Variants in SLMAP observed in about 807,000 individuals in gnomAD.
SLMAP encodes sarcolemmal membrane-associated protein.
In SLMAP, 44 loss-of-function variants were observed where a neutral mutation model predicts 128.8. The observed-to-expected ratio is 0.34, with a 90% confidence interval of 0.27 to 0.44. The LOEUF (loss-of-function observed/expected upper bound fraction) is 0.44. Among genes scored for constraint, SLMAP ranks in the 20% least tolerant of loss-of-function variants. SLMAP has a pLI of 1.00. For missense variants in SLMAP, 787 were observed against 985.3 expected (o/e 0.80, Z 2.69); for synonymous variants, 327 against 348.8 (o/e 0.94, Z 0.70).
intron 17 of SLMAP, among the ~76,000 whole-genome samples, chr3:57,906,300 C>CTTTTTCTTTTTTTTTTTTTTTTTTTTTT (rs2096541194): frequency 1.4e-5 from 1 of 71,288 alleles, no homozygotes; most frequent in Admixed American, 1.9e-4. Flanking sequence ...AAATTTTTTT[C>CTTTTTCTTTTTTTTTTTTTTTTTTTTTT]TTTTTTTTTC....
intron 12 of SLMAP, 89 bp from the exon 13 acceptor site, chr3:57,865,153 T>G (rs1278714516): frequency 1.4e-6 from 1 of 695,620 alleles, no homozygotes; most frequent in African/African-American, 1.8e-5. Flanking sequence ...ATCTTAATCT[T>G]AGGAATGCAG....
At chr3:57,832,958 A>T (rs1056895152) in intron 3 of SLMAP, among the ~76,000 whole-genome samples, 3 of 152,210 alleles carry the variant, frequency 2.0e-5, no homozygotes, top group African/African-American at 4.8e-5. Flanking sequence ...GCTGCATTAG[A>T]CACTCCTATA....
intron 2 of SLMAP, among the ~76,000 whole-genome samples, chr3:57,816,384 T>C (rs558510429): frequency 6.6e-6 from 1 of 152,282 alleles, no homozygotes; most frequent in African/African-American, 2.4e-5. Flanking sequence ...CCTCAAGTGA[T>C]CCACCTACCT....
In SLMAP at chr3:57,907,924, A is replaced by G; in HGVS notation, c.1542A>G (p.Gln514=). The G allele has an allele frequency of 1.2e-6, 2 of 1,613,990 alleles. No individual in the cohort carries two copies. Among genetic ancestry groups the G allele is most frequent in the Non-Finnish European group, 1.7e-6 (2 of 1,179,876 alleles). Residue 514 remains glutamine, a synonymous_variant, in exon 18 of 25, where the codon CAA becomes CAG. Coordinates refer to ENST00000671191, the MANE Select transcript of SLMAP (RefSeq NM_001377540.1). ...CACAGTCAGAAATTGAGGCAAAGCA[A>G]GAAATACAGCATCTTCGAAAGGAAT... The part of the protein sequence containing the change: ...QGAQSEIEAK[Q]EIQHLRKELI...
intron 2 of SLMAP, among the ~76,000 whole-genome samples, chr3:57,823,439 A>G (rs961834284): frequency 3.3e-5 from 5 of 151,702 alleles, no homozygotes; most frequent in Non-Finnish European, 7.4e-5. Context: ...CTCATTGTTC[A>G]ATTCCCACCT....
chr3:57,923,174 C>A, intron 23 of SLMAP, 151 bp downstream of exon 23: 2 of 804,182 alleles, frequency 2.5e-6, no homozygotes, highest in Non-Finnish European at 3.9e-6. Flanking sequence ...AATCATTGTG[C>A]TGTCAGATTT....
intron 3 of SLMAP, among the ~76,000 whole-genome samples, chr3:57,836,212 G>A (rs1297015707): frequency 6.6e-6 from 1 of 152,030 alleles, no homozygotes; most frequent in East Asian, 1.9e-4. Context: ...GTCCAGGAGT[G>A]TGGGTGGGAG....
intron 10 of SLMAP, among the ~76,000 whole-genome samples, chr3:57,862,603 A>G (rs543278607): frequency 7.2e-6 from 1 of 138,198 alleles, no homozygotes; most frequent in Admixed American, 8.4e-5. Context: ...GCACCACTGC[A>G]CTCCAGCCTG....
intron 2 of SLMAP, among the ~76,000 whole-genome samples, chr3:57,781,530 GT>G (rs1209513307): frequency 6.6e-6 from 1 of 152,072 alleles, no homozygotes; most frequent in Non-Finnish European, 1.5e-5. Context: ...ATCTATGTTT[GT>G]TATTTGTTTA....
At chr3:57,758,888 G>GGACT (rs2078084031) in intron 2 of SLMAP, among the ~76,000 whole-genome samples, 1 of 152,134 alleles carries the variant, frequency 6.6e-6, no homozygotes, top group Non-Finnish European at 1.5e-5. Context: ...AAGACTAATA[G>GGACT]GACTGTCTCA....
At chr3:57,763,443 G>A (rs2079070639) in intron 2 of SLMAP, among the ~76,000 whole-genome samples, 1 of 151,794 alleles carries the variant, frequency 6.6e-6, no homozygotes. Flanking sequence ...CCCAGCTACT[G>A]TTTTTTATTT....
chr3:57,871,484 C>T (rs1205734441), intron 13 of SLMAP, 152 bp from the exon 14 acceptor site: 6 of 588,838 alleles, frequency 1.0e-5, no homozygotes, highest in Admixed American at 3.5e-5. Context: ...CATTTAACTC[C>T]AAAATATGTC....
At chr3:57,848,277 A>C (rs2094348317) in intron 5 of SLMAP, among the ~76,000 whole-genome samples, 13 of 118,912 alleles carry the variant, frequency 1.1e-4, no homozygotes, top group South Asian at 2.7e-4. Context: ...CTCTTACTCC[A>C]TCTTCTCCTC....
chr3:57,819,484 C>T (rs920161129), intron 2 of SLMAP, among the ~76,000 whole-genome samples: 2 of 151,858 alleles, frequency 1.3e-5, no homozygotes, highest in Non-Finnish European at 2.9e-5. Context: ...GCAGGTTTTT[C>T]CCCCCCACAA....
rs1166614183 is a variant in SLMAP at position 57,860,746 on chromosome 3, G to C, written c.735G>C (p.Glu245Asp). 1 of 1,595,512 alleles carries C rather than the reference G, an allele frequency of 6.3e-7. No homozygotes were observed. Among genetic ancestry groups the C allele is most frequent in the Admixed American group, 1.8e-5 (1 of 54,690 alleles). ...GAAAGGAACTTATAGCATTACAAGA[G>C]GATAAACATAACTATGAGACAACAG... ...SLRKELIALQ[E>D]DKHNYETTAK... The change falls in exon 9 of 25, where the codon GAG becomes GAC. Residue 245 changes from glutamate to aspartate, a missense_variant. Glu to Asp is a conservative substitution (Grantham distance 45). This residue lies in a region of SLMAP where 715 missense variants were observed against 843.6 expected (regional missense o/e 0.85). Coordinates refer to ENST00000671191, the MANE Select transcript of SLMAP (RefSeq NM_001377540.1).
At chr3:57,815,987 T>G (rs7651518) in intron 2 of SLMAP, among the ~76,000 whole-genome samples, 55,186 of 152,048 alleles carry the variant, frequency 0.36, 11,023 homozygotes, top group South Asian at 0.58. Flanking sequence ...TCCTTTAACC[T>G]TTACAACAAA....
chr3:57,862,186 C>T (rs974276460), intron 10 of SLMAP, 100 bp downstream of exon 10: 10 of 932,230 alleles, frequency 1.1e-5, no homozygotes, highest in African/African-American at 1.7e-5. Context: ...CGTGGGGTGG[C>T]GGGCGCCTGT....
intron 2 of SLMAP, among the ~76,000 whole-genome samples, chr3:57,767,878 C>T (rs1168914843): frequency 6.6e-6 from 1 of 152,138 alleles, no homozygotes; most frequent in Non-Finnish European, 1.5e-5. Flanking sequence ...GTAATCTAAG[C>T]TATTGCTTTT....
At chr3:57,910,142 G>A (rs913637886) in intron 19 of SLMAP, among the ~76,000 whole-genome samples, 3 of 152,074 alleles carry the variant, frequency 2.0e-5, no homozygotes, top group African/African-American at 7.2e-5. Context: ...GGCTGGTGTA[G>A]ATATATTGCC....
Sources: gnomAD v4.1 joint callset for allele counts (sites outside exome capture counted in the v4.1 genomes callset) on GRCh38, gnomAD v4.1.1 for gene constraint, gnomAD v4.1.1 regional missense constraint, MANE v1.5 for transcripts, NCBI Gene and HGNC (gene_info 2026-07-23, HGNC 2026-07-21) for gene names.